RGL3: variants seen among roughly 807,000 people sequenced by gnomAD.
The protein encoded by RGL3 is ral guanine nucleotide dissociation stimulator like 3.
In RGL3, 85 loss-of-function variants were observed where a neutral mutation model predicts 90.6. That is an observed-to-expected ratio of 0.94 (90% CI 0.79 to 1.12). RGL3 has a LOEUF of 1.12. Ranked by LOEUF, RGL3 falls within the 50% of genes most tolerant of loss-of-function variation. The pLI is 0.00. For missense variants in RGL3, 1,034 were observed against 939.2 expected (o/e 1.10, Z -1.32); for synonymous variants, 408 against 385.5 (o/e 1.06, Z -0.68).
rs1009941979 is a variant in RGL3, at chr19:11,418,758, C to T, written c.60G>A (p.Glu20=). 3 of 1,569,402 alleles carry T rather than the reference C, an allele frequency of 1.9e-6. No homozygotes were observed. The Middle Eastern group carries it at 5.0e-4, about 261-fold the overall frequency. The change falls in exon 2 of 19, where the codon GAG becomes GAA. Residue 20 remains glutamate, a synonymous_variant. Transcript: ENST00000380456. ...CACTGTACACCGCGCCGTCCTCGGT[C>T]TCTTCACCCCAGTCCTGCAGCGGTG... ...ALAPLQDWGE[E]TEDGAVYSVS... is the part of the protein sequence containing the mutation.
rs533943161 is a variant in RGL3 at position 11,410,172 on chromosome 19, A to T, written c.638-3308T>A. 2.3e-3 allele frequency among the ~76,000 whole-genome samples: 344 copies of T among 147,464 alleles called. 3 individuals carry two copies. The highest frequency in any genetic ancestry group is 8.1e-3 in the African/African-American group (325 of 40,250). ...TTTATTTTATTTTATTTTATTTTTT[A>T]TTTTTTTTAGTAGAGATGGGGTTTC... On this transcript the variant is annotated intron_variant, in intron 5 of 18. Coordinates refer to ENST00000380456, the MANE Select transcript of RGL3 (RefSeq NM_001035223.4).
intron 9 of RGL3, among the ~76,000 whole-genome samples, chr19:11,404,601 G>C (rs1968736360): frequency 6.6e-6 from 1 of 152,140 alleles, no homozygotes; most frequent in Admixed American, 6.5e-5. Context: ...CAGATGTGTG[G>C]TTTTGGGGAT....
chr19:11,412,029 C>G (rs1335254768), intron 5 of RGL3, among the ~76,000 whole-genome samples: 1 of 151,990 alleles, frequency 6.6e-6, no homozygotes, highest in Non-Finnish European at 1.5e-5. Flanking sequence ...CCTGTAATAC[C>G]AACACTTTGG....
Position 11,416,865 on chromosome 19 carries a change from C to A in RGL3, c.342G>T (p.Leu114=). The change falls in exon 3 of 19, where the codon CTG becomes CTT. Residue 114 remains leucine, a synonymous_variant. Transcript: ENST00000380456. ...GAGGTGGGGGCGGTGGCATTGGTGG[C>A]AGCAGAAAGCCCAGCAGGCAGGCAG... ...VPTACLLGFL[L]PPMPPPPPPG... 1.9e-6 allele frequency: 3 copies of A among 1,613,840 alleles called. No individual in the cohort carries two copies. Among genetic ancestry groups the A allele is most frequent in the Non-Finnish European group, 2.5e-6 (3 of 1,179,900 alleles).
Position 11,416,132 on chromosome 19 carries a change from G to T in RGL3, c.442C>A (p.Leu148Met), listed in dbSNP as rs757486544. ...GGGTGGTCCTGCAGCCAGGAGCCCA[G>T]CACTGACACCACAGCCCTGGCCAGA... ...NKNLRAVVSV[L>M]GSWLQDHPQD... The change falls in exon 5 of 19, where the codon CTG (leucine) becomes ATG (methionine). Residue 148 changes from leucine (L) to methionine (M), a missense_variant. By Grantham distance (15) the Leu-to-Met change is conservative. Coordinates refer to ENST00000380456, the MANE Select transcript of RGL3 (RefSeq NM_001035223.4). 2.5e-6 allele frequency: 4 copies of T among 1,579,304 alleles called. No homozygotes were observed. In the Admixed American group the frequency reaches 7.4e-5, roughly 29 times the overall value.
At chr19:11,414,886 C>T (rs1968966739) in intron 5 of RGL3, among the ~76,000 whole-genome samples, 2 of 151,944 alleles carry the variant, frequency 1.3e-5, no homozygotes, top group Admixed American at 1.3e-4. Flanking sequence ...GCTGTAATCC[C>T]AGCATTTTGG....
At chr19:11,410,228 T>C (rs1351174747) in intron 5 of RGL3, among the ~76,000 whole-genome samples, 1 of 151,874 alleles carries the variant, frequency 6.6e-6, no homozygotes, top group Non-Finnish European at 1.5e-5. Context: ...CTCGAACTCC[T>C]GACCTCAGGT....
At chr19:11,417,402 G>T (rs1443098380) in intron 2 of RGL3, among the ~76,000 whole-genome samples, 1 of 150,450 alleles carries the variant, frequency 6.6e-6, no homozygotes, top group Non-Finnish European at 1.5e-5. Flanking sequence ...TGCCCCCCTT[G>T]GCCTCCCAAA....
chr19:11,405,492 ATCTTTTTTTTTTTTTTTTTT>A, intron 7 of RGL3, 66 bp from the exon 8 acceptor site: 5 of 132,450 alleles, frequency 3.8e-5, no homozygotes, highest in Non-Finnish European at 5.9e-5. Flanking sequence ...AAACTTCTTC[ATCTTTTTTTTTTTTTTTTTT>A]TTTTTTTTTT....
At chr19:11,413,483 C>G (rs936664274) in intron 5 of RGL3, among the ~76,000 whole-genome samples, 4 of 140,072 alleles carry the variant, frequency 2.9e-5, no homozygotes, top group African/African-American at 8.1e-5. Context: ...TGCAGTGTGC[C>G]GAGATGGCGC....
chr19:11,409,516 A>C (rs1968839481), intron 5 of RGL3, among the ~76,000 whole-genome samples: 1 of 152,126 alleles, frequency 6.6e-6, no homozygotes, highest in Non-Finnish European at 1.5e-5. Flanking sequence ...CAAACAAACA[A>C]AAACAAAAAG....
intron 18 of RGL3, 72 bp downstream of exon 18, chr19:11,397,172 A>G: frequency 7.6e-7 from 1 of 1,324,276 alleles, no homozygotes; most frequent in South Asian, 1.2e-5. Flanking sequence ...CTTGGGCTCC[A>G]TCCTTGGGCG....
intron 5 of RGL3, among the ~76,000 whole-genome samples, chr19:11,414,197 TTATATA>T (rs58572497): frequency 0.01 from 677 of 65,252 alleles, 66 homozygotes; most frequent in African/African-American, 0.051. Flanking sequence ...ATATATACCT[TTATATA>T]TATATATACC....
intron 18 of RGL3, among the ~76,000 whole-genome samples, chr19:11,395,350 A>G (rs1310106124): frequency 6.6e-6 from 1 of 152,140 alleles, no homozygotes; most frequent in African/African-American, 2.4e-5. Flanking sequence ...AGCCAACCTC[A>G]TGCCATGTAC....
At chr19:11,414,134 C>CATATATAT (rs56098998) in intron 5 of RGL3, among the ~76,000 whole-genome samples, 4 of 30,430 alleles carry the variant, frequency 1.3e-4, no homozygotes, top group East Asian at 7.1e-4. Context: ...CTGGAGAAAT[C>CATATATAT]ATATATATAT....
chr19:11,413,036 A>G (rs1408973649), intron 5 of RGL3, among the ~76,000 whole-genome samples: 2 of 152,072 alleles, frequency 1.3e-5, no homozygotes, highest in Non-Finnish European at 2.9e-5. Flanking sequence ...GGCCTAGCAC[A>G]TAGAAGGTCT....
intron 5 of RGL3, among the ~76,000 whole-genome samples, chr19:11,414,502 T>TATATATATATATACACCTTC (rs1568341989): frequency 6.7e-4 from 53 of 79,150 alleles, no homozygotes; most frequent in Non-Finnish European, 1.0e-3. Flanking sequence ...TATATATATA[T>TATATATATATATACACCTTC]ATATATATAT....
intron 9 of RGL3, 98 bp from the exon 10 acceptor site, chr19:11,402,804 G>C (rs368574544): frequency 9.1e-7 from 1 of 1,094,890 alleles, no homozygotes; most frequent in South Asian, 1.4e-5. Flanking sequence ...TTCATGCTTT[G>C]AGTAATCAAA....
intron 18 of RGL3, among the ~76,000 whole-genome samples, chr19:11,395,764 AC>A (rs1968553697): frequency 6.6e-6 from 1 of 150,552 alleles, no homozygotes. Context: ...AGTAGCTGGG[AC>A]TATAGGCGCC....
Sources: gnomAD v4.1 joint callset for allele counts (sites outside exome capture counted in the v4.1 genomes callset) on GRCh38, gnomAD v4.1.1 for gene constraint, MANE v1.5 for transcripts, NCBI Gene and HGNC (gene_info 2026-07-23, HGNC 2026-07-21) for gene names.